Variants in MDH1 observed in about 807,000 individuals in gnomAD.
MDH1 encodes the protein malate dehydrogenase, cytoplasmic.
In MDH1, 15 loss-of-function variants were observed where a neutral mutation model predicts 38.7. That is an observed-to-expected ratio of 0.39 (90% CI 0.26 to 0.60). MDH1 has a LOEUF of 0.60. MDH1 is among the 20% of genes least tolerant of loss of function. The pLI is 0.56. For missense variants in MDH1, 368 were observed against 405.2 expected (o/e 0.91, Z 0.79); for synonymous variants, 144 against 143.6 (o/e 1.00, Z -0.02).
Position 63,588,992 on chromosome 2 carries a change from C to G in MDH1, c.-52C>G. The G allele has an allele frequency of 6.2e-7, 1 of 1,614,136 alleles. No homozygotes were observed. Among genetic ancestry groups the G allele is most frequent in the East Asian group, 2.2e-5 (1 of 44,886 alleles). On this transcript the variant is annotated 5_prime_UTR_variant, in exon 1 of 9. Coordinates refer to ENST00000233114, the MANE Select transcript of MDH1 (RefSeq NM_005917.4). ...CAGTTCCGCGGTAGAGGTGACCTGA[C>G]TCTCTGAGGCTCATTTTGCAGTTGT... is the stretch of plus-strand genomic sequence containing the variant.
At chr2:63,604,925 G>C in intron 6 of MDH1, 53 bp downstream of exon 6, 2 of 1,565,732 alleles carry the variant, frequency 1.3e-6, no homozygotes, top group South Asian at 2.3e-5. Context: ...ACTCTTGAGA[G>C]ACTCTTAGGA....
intron 1 of MDH1, among the ~76,000 whole-genome samples, chr2:63,592,741 T>C (rs979493943): frequency 6.6e-6 from 1 of 152,252 alleles, no homozygotes; most frequent in Non-Finnish European, 1.5e-5. Flanking sequence ...TCCATCTTTT[T>C]GATAGTTTTA....
chr2:63,592,331 CT>C (rs1477972108), intron 1 of MDH1, among the ~76,000 whole-genome samples: 3 of 151,980 alleles, frequency 2.0e-5, no homozygotes, highest in African/African-American at 7.3e-5. Flanking sequence ...AATAAAATAC[CT>C]TTTGTTTTCA....
At chr2:63,593,395 G>T in intron 1 of MDH1, 1 of 365,628 alleles carries the variant, frequency 2.7e-6, no homozygotes. Context: ...TCCCTGGCCT[G>T]ACACTTCTTT....
chr2:63,597,522 T>C lies in MDH1; in HGVS notation c.323T>C (p.Ile108Thr). The change falls in exon 4 of 9, where the codon ATC becomes ACC. Residue 108 changes from isoleucine (I) to threonine (T), a missense_variant. Transcript: ENST00000233114. ...GATTTACTGAAAGCAAATGTGAAAA[T>C]CTTCAAATCCCAGGGTGCAGCCTTA... Reference protein sequence around the residue: ...RKDLLKANVKIFKSQGAALDK... With the variant: ...RKDLLKANVKTFKSQGAALDK... 6.6e-7 allele frequency: 1 copy of C among 1,503,982 alleles called. No homozygotes were observed. Among genetic ancestry groups the C allele is most frequent in the Non-Finnish European group, 8.9e-7 (1 of 1,117,674 alleles). The allele number at this position is 1,503,982 out of a possible 1,614,324, so 93.2% of individuals were successfully genotyped here. A position where few individuals can be genotyped will look rare whatever the true frequency, so the allele number is the denominator to read the frequency against.
At chr2:63,604,985 A>C (rs1462961268) in intron 6 of MDH1, 113 bp downstream of exon 6, 1 of 1,036,044 alleles carries the variant, frequency 9.7e-7, no homozygotes, top group Non-Finnish European at 1.4e-6. Flanking sequence ...TGATGACTGC[A>C]TACTTTCGGG....
In MDH1 at chr2:63,597,585, C is replaced by T; in HGVS notation, c.375+11C>T. On this transcript the variant is annotated intron_variant, in intron 4 of 8. Transcript: ENST00000233114. ...AAGAAGTCAGTTAAGGTGACCAATG[C>T]TGTATTTTATGGGATTTTTCATTAT... 1 of 1,358,776 alleles carries T rather than the reference C, an allele frequency of 7.4e-7. No homozygotes were observed. 84.2% of individuals were successfully genotyped at this position (1,358,776 alleles called of 1,614,324 possible). A position where few individuals can be genotyped will look rare whatever the true frequency, so the allele number is the denominator to read the frequency against.
intron 3 of MDH1, 104 bp downstream of exon 3, chr2:63,595,623 A>C: frequency 2.8e-6 from 2 of 710,882 alleles, no homozygotes; most frequent in Non-Finnish European, 2.4e-6. Flanking sequence ...ATTTCATAAG[A>C]GGATTTTTTT....
At chr2:63,595,575 G>T in intron 3 of MDH1, 56 bp downstream of exon 3, 1 of 1,119,890 alleles carries the variant, frequency 8.9e-7, no homozygotes, top group Non-Finnish European at 1.3e-6. Context: ...ACAAAATACA[G>T]GTTTTAGGTT....
chr2:63,602,757 A>AT (rs2106622802), intron 5 of MDH1, among the ~76,000 whole-genome samples: 1 of 152,064 alleles, frequency 6.6e-6, no homozygotes, highest in East Asian at 1.9e-4. Context: ...CATTTTGAGA[A>AT]TTTACAAAAG....
chr2:63,595,573 C>T (rs1216513493), intron 3 of MDH1, 54 bp downstream of exon 3: 3 of 1,182,752 alleles, frequency 2.5e-6, no homozygotes, highest in South Asian at 2.5e-5. Flanking sequence ...TTACAAAATA[C>T]AGGTTTTAGG....
intron 1 of MDH1, 37 bp downstream of exon 1, chr2:63,589,083 C>G (rs200487040): frequency 1.9e-6 from 3 of 1,614,124 alleles, no homozygotes. Context: ...CACCTCTGGC[C>G]CTCGCGCCCT....
intron 1 of MDH1, chr2:63,590,430 G>A (rs991527742): frequency 2.0e-4 from 30 of 152,042 alleles, no homozygotes; most frequent in African/African-American, 7.2e-4. Context: ...TCTCGCAGCG[G>A]GGGAGAGACA....
In MDH1 at chr2:63,595,468, C is replaced by G; in HGVS notation, c.148C>G (p.Leu50Val). 6.2e-7 allele frequency: 1 copy of G among 1,613,628 alleles called. No homozygotes were observed. The highest frequency in any genetic ancestry group is 1.1e-5 in the South Asian group (1 of 91,066). ...GGATATCACCCCCATGATGGGTGTC[C>G]TGGACGGTGTCCTAATGGAACTGCA... ...LLDITPMMGVLDGVLMELQDC... is the reference protein window; with the variant it reads ...LLDITPMMGVVDGVLMELQDC... Residue 50 changes from leucine to valine, a missense_variant, in exon 3 of 9, where the codon CTG becomes GTG. By Grantham distance (32) the Leu-to-Val change is conservative (BLOSUM62 1). Coordinates refer to ENST00000233114, the MANE Select transcript of MDH1 (RefSeq NM_005917.4).
chr2:63,593,563 C>G, intron 1 of MDH1: 1 of 471,356 alleles, frequency 2.1e-6, no homozygotes, highest in South Asian at 1.5e-5. Flanking sequence ...GAAGAAGGAA[C>G]TTTAAGTAAA....
intron 2 of MDH1, chr2:63,594,860 G>T (rs1169078893): frequency 4.0e-5 from 13 of 326,940 alleles, no homozygotes; most frequent in Non-Finnish European, 7.4e-5. Context: ...TATCACTAAT[G>T]ACAGTAACTT....
intron 5 of MDH1, among the ~76,000 whole-genome samples, chr2:63,604,069 T>C (rs573180902): frequency 3.7e-4 from 56 of 149,538 alleles, no homozygotes; most frequent in African/African-American, 1.4e-3. Flanking sequence ...TTACATATGT[T>C]ATAATTTTAG....
chr2:63,597,181 T>TTATTGAAAC, intron 3 of MDH1: 7 of 636,078 alleles, frequency 1.1e-5, no homozygotes, highest in Non-Finnish European at 1.4e-5. Context: ...ATTTAAGTAA[T>TTATTGAAAC]TATTGAAACA....
chr2:63,596,673 T>C (rs959064494), intron 3 of MDH1, among the ~76,000 whole-genome samples: 2 of 152,256 alleles, frequency 1.3e-5, no homozygotes, highest in East Asian at 3.8e-4. Flanking sequence ...TTGACTATGA[T>C]GCAACTAGCC....
Sources: gnomAD v4.1 joint callset for allele counts (sites outside exome capture counted in the v4.1 genomes callset) on GRCh38, gnomAD v4.1.1 for gene constraint, MANE v1.5 for transcripts, NCBI Gene and HGNC (gene_info 2026-07-23, HGNC 2026-07-21) for gene names.